The following C10orf67 variants were observed in gnomAD, a reference collection of about 807,000 sequenced individuals.
The protein encoded by C10orf67 is uncharacterized protein C10orf67, mitochondrial.
In C10orf67, 60 loss-of-function variants were observed where a neutral mutation model predicts 35.6. The ratio of observed to expected loss-of-function variants is 1.68; its 90% CI spans 1.37 to 2.09. The LOEUF is 2.09. Ranked by LOEUF, C10orf67 falls within the 30% of genes most tolerant of loss-of-function variation. The pLI, the probability that C10orf67 is intolerant of heterozygous loss-of-function variation, is 0.00. For missense variants in C10orf67, 474 were observed against 330.2 expected, an observed-to-expected ratio of 1.44 and a Z score of -3.38; for synonymous variants, 167 against 115.8, an observed-to-expected ratio of 1.44 and a Z score of -2.84.
intron 4 of C10orf67, chr10:23,318,604 A>G (rs926570550): frequency 2.2e-5 from 7 of 317,976 alleles, no homozygotes; most frequent in African/African-American, 1.3e-4. Flanking sequence ...TGGGAGAGAA[A>G]CATTGCACAA....
At chr10:23,214,835 C>A (rs144964032) in intron 15 of C10orf67, among the ~76,000 whole-genome samples, 1 of 152,092 alleles carries the variant, frequency 6.6e-6, no homozygotes, top group Non-Finnish European at 1.5e-5. Flanking sequence ...CCAGCCTGGA[C>A]AACATGGCAA....
chr10:23,249,422 A>G (rs17543414), intron 12 of C10orf67, among the ~76,000 whole-genome samples: 30,051 of 152,162 alleles, frequency 0.2, 3,765 homozygotes, highest in Non-Finnish European at 0.28. Flanking sequence ...TAATATGCAC[A>G]TTTTACACAG....
Position 23,220,260 on chromosome 10 carries a change from T to C in C10orf67, c.1570+3338A>G, listed in dbSNP as rs373637405. Among the ~76,000 whole-genome samples the C allele has an allele frequency of 3.3e-5, 5 of 152,242 alleles. No homozygotes were observed. In the East Asian group the frequency reaches 7.7e-4, roughly 23 times the overall value. Reference sequence around the variant, plus strand: ...TTGCTTTCACGGGGAGATTAAAATATAGATTTGCAAGGCTTTAGCTTGGGA... The same window carrying C: ...TTGCTTTCACGGGGAGATTAAAATACAGATTTGCAAGGCTTTAGCTTGGGA... On this transcript the variant is annotated intron_variant, in intron 15 of 15. Transcript: ENST00000636213.
chr10:23,256,858 G>A (rs1032078994), intron 10 of C10orf67, among the ~76,000 whole-genome samples: 3 of 152,104 alleles, frequency 2.0e-5, no homozygotes, highest in African/African-American at 7.2e-5. Context: ...TAAGCCTCTG[G>A]GAGAGGGGAA....
chr10:23,267,581 G>A (rs1195846837), intron 8 of C10orf67, among the ~76,000 whole-genome samples: 1 of 152,156 alleles, frequency 6.6e-6, no homozygotes, highest in African/African-American at 2.4e-5. Flanking sequence ...TAGTATAACA[G>A]CTATAAATAC....
At position 23,330,431 on chromosome 10, in the gene C10orf67, C is replaced by A. The variant is rs537638031; in HGVS notation, c.327+2631G>T. 7.2e-5 allele frequency among the ~76,000 whole-genome samples: 11 copies of A among 152,074 alleles called. No individual in the cohort carries two copies. In the South Asian group the frequency reaches 2.3e-3, roughly 32 times the overall value. ...TCACCTATGATCCTGCCACTGCAATCCAGTCTACGTGACAGAGTGAGACCC... is the reference window on the plus strand; with the variant it reads ...TCACCTATGATCCTGCCACTGCAATACAGTCTACGTGACAGAGTGAGACCC... On this transcript the variant is annotated intron_variant, in intron 2 of 15. Coordinates refer to ENST00000636213, the MANE Select transcript of C10orf67 (RefSeq NM_001371909.1).
At chr10:23,320,406 T>C (rs1267892700) in intron 4 of C10orf67, among the ~76,000 whole-genome samples, 3 of 152,166 alleles carry the variant, frequency 2.0e-5, no homozygotes, top group African/African-American at 7.2e-5. Flanking sequence ...TCAGAGACCA[T>C]TCACTGGAAT....
intron 8 of C10orf67, among the ~76,000 whole-genome samples, chr10:23,280,498 C>T (rs1843337641): frequency 6.6e-6 from 1 of 152,112 alleles, no homozygotes. Flanking sequence ...ATAGTGACCT[C>T]GATGGGTCCA....
chr10:23,268,036 C>A (rs1341073822), intron 8 of C10orf67, among the ~76,000 whole-genome samples: 1 of 151,502 alleles, frequency 6.6e-6, no homozygotes, highest in Non-Finnish European at 1.5e-5. Context: ...GCCTGTAATC[C>A]CAACACTTTG....
At chr10:23,250,046 G>C (rs1842407659) in intron 12 of C10orf67, among the ~76,000 whole-genome samples, 1 of 152,126 alleles carries the variant, frequency 6.6e-6, no homozygotes, top group African/African-American at 2.4e-5. Context: ...AGAGGTTGAG[G>C]AACTGGAGCT....
intron 2 of C10orf67, among the ~76,000 whole-genome samples, chr10:23,324,010 CT>C (rs1486850443): frequency 2.9e-5 from 4 of 135,714 alleles, no homozygotes; most frequent in African/African-American, 1.1e-4. Context: ...AGGTTTTTCC[CT>C]TTACTCCAAG....
At chr10:23,328,685 TA>T (rs57874839) in intron 2 of C10orf67, among the ~76,000 whole-genome samples, 13,869 of 138,014 alleles carry the variant, frequency 0.1, 1,596 homozygotes, top group East Asian at 0.62. Context: ...CTCAAGAGAT[TA>T]AAAAAAAAAA....
chr10:23,263,375 T>C (rs1842802055), intron 10 of C10orf67, among the ~76,000 whole-genome samples: 1 of 152,216 alleles, frequency 6.6e-6, no homozygotes, highest in African/African-American at 2.4e-5. Context: ...ATAGTAATAA[T>C]TCTATATCCC....
At chr10:23,208,784 C>T (rs1029343731) in intron 15 of C10orf67, among the ~76,000 whole-genome samples, 1 of 152,178 alleles carries the variant, frequency 6.6e-6, no homozygotes, top group African/African-American at 2.4e-5. Context: ...CTTGCTTTGG[C>T]TAATGGGATA....
chr10:23,207,812 A>G (rs138967401), intron 15 of C10orf67, among the ~76,000 whole-genome samples: 103 of 152,264 alleles, frequency 6.8e-4, no homozygotes, highest in African/African-American at 2.4e-3. Context: ...TCTGAGGCCA[A>G]TTTCTTTTCT....
At chr10:23,236,915 G>C (rs1423194560) in intron 13 of C10orf67, among the ~76,000 whole-genome samples, 1 of 152,090 alleles carries the variant, frequency 6.6e-6, no homozygotes, top group Non-Finnish European at 1.5e-5. Context: ...TTAGGTTTAG[G>C]GGGTACATGG....
rs191815567 is a variant in C10orf67 at position 23,229,383 on chromosome 10, T to C, written c.1435-5565A>G. ...TCACTCATAGATGGGAATTGAACAA[T>C]GAGAACACTTGGACACAGGAAGGGG... On this transcript the variant is annotated intron_variant, in intron 13 of 15. Coordinates refer to ENST00000636213, the MANE Select transcript of C10orf67 (RefSeq NM_001371909.1). Among the ~76,000 whole-genome samples the C allele has an allele frequency of 6.0e-3, 775 of 129,892 alleles. 9 individuals carry two copies. Among genetic ancestry groups the C allele is most frequent in the African/African-American group, 0.022 (738 of 33,620 alleles). The allele number at this position is 129,892 out of a possible 152,430, so 85.2% of individuals were successfully genotyped here.
intron 8 of C10orf67, among the ~76,000 whole-genome samples, chr10:23,275,087 T>C (rs1017699830): frequency 6.6e-6 from 1 of 152,160 alleles, no homozygotes; most frequent in Non-Finnish European, 1.5e-5. Flanking sequence ...CCTATAATTG[T>C]AGGGGAGAGA....
At chr10:23,332,918 T>A (rs1486527718) in intron 2 of C10orf67, 144 bp downstream of exon 2, 2 of 750,720 alleles carry the variant, frequency 2.7e-6, no homozygotes, top group Non-Finnish European at 4.3e-6. Context: ...AATAATTTGT[T>A]AAAGCACAGC....
Sources: allele counts gnomAD v4.1 joint callset (sites outside exome capture counted in the v4.1 genomes callset), GRCh38; gene constraint gnomAD v4.1.1; transcripts MANE v1.5; gene names NCBI Gene and HGNC (gene_info 2026-07-23, HGNC 2026-07-21).